PTPRM: variants seen among roughly 807,000 people sequenced by gnomAD.
The protein encoded by PTPRM is protein tyrosine phosphatase receptor type M, also known as receptor-type tyrosine-protein phosphatase mu.
PTPRM carries 47 observed loss-of-function variants against 186.7 expected under a neutral mutation model. That is an observed-to-expected ratio of 0.25 (90% CI 0.20 to 0.32). The LOEUF (loss-of-function observed/expected upper bound fraction) is 0.32. Among genes scored for constraint, PTPRM ranks in the 10% least tolerant of loss-of-function variants. The pLI, the probability that PTPRM is intolerant of heterozygous loss-of-function variation, is 1.00. For missense variants in PTPRM, 1,494 were observed against 1,865.0 expected (o/e 0.80, Z 3.66); for synonymous variants, 668 against 674.9 (o/e 0.99, Z 0.16).
At chr18:8,091,044 T>G (rs1308152377) in intron 11 of PTPRM, among the ~76,000 whole-genome samples, 1 of 152,194 alleles carries the variant, frequency 6.6e-6, no homozygotes, top group Non-Finnish European at 1.5e-5. Context: ...ATTTTGTTGT[T>G]GCTTACTTTT....
At chr18:7,689,370 C>G (rs9966932) in intron 1 of PTPRM, among the ~76,000 whole-genome samples, 77,299 of 152,078 alleles carry the variant, frequency 0.51, 21,494 homozygotes, top group East Asian at 0.87. Flanking sequence ...CAGGTGCACG[C>G]ACCCTTGGAG....
intron 1 of PTPRM, among the ~76,000 whole-genome samples, chr18:7,766,843 C>T (rs1448340428): frequency 6.6e-6 from 1 of 152,158 alleles, no homozygotes; most frequent in Non-Finnish European, 1.5e-5. Context: ...AGGTGTAATA[C>T]CTTGATAACT....
chr18:8,402,555 C>T (rs1338074186), intron 32 of PTPRM, among the ~76,000 whole-genome samples: 1 of 152,118 alleles, frequency 6.6e-6, no homozygotes, highest in Non-Finnish European at 1.5e-5. Flanking sequence ...ATTAATTGCA[C>T]AATTAGGCTT....
Position 8,236,501 on chromosome 18 carries a change from TTG to T in PTPRM, c.2301-7551_2301-7550del, listed in dbSNP as rs539447980. On this transcript the variant is annotated intron_variant, in intron 14 of 32. Coordinates refer to ENST00000580170, the MANE Select transcript of PTPRM (RefSeq NM_001105244.2). Reference sequence around the variant, plus strand: ...TTCTTGTAGATCATATGTAGTTGAGTTGTGTGTTTTAATCTGATAATCTGCCT... The same window carrying T: ...TTCTTGTAGATCATATGTAGTTGAGTTGTGTTTTAATCTGATAATCTGCCT... Among the ~76,000 whole-genome samples, 15 of 152,242 alleles carry T rather than the reference TTG, an allele frequency of 9.9e-5. No individual in the cohort carries two copies. The East Asian group carries it at 1.9e-3, about 20-fold the overall frequency.
intron 14 of PTPRM, among the ~76,000 whole-genome samples, chr18:8,199,277 C>A (rs898512132): frequency 2.0e-5 from 3 of 152,146 alleles, no homozygotes; most frequent in African/African-American, 7.2e-5. Flanking sequence ...GTTTAAGTAA[C>A]TGGCCCAAGG....
chr18:7,596,677 G>A (rs2037269741), intron 1 of PTPRM, among the ~76,000 whole-genome samples: 1 of 152,022 alleles, frequency 6.6e-6, no homozygotes, highest in Non-Finnish European at 1.5e-5. Flanking sequence ...AATAGGTCTT[G>A]GAACCTATTT....
At chr18:8,158,027 G>C (rs1230535559) in intron 14 of PTPRM, among the ~76,000 whole-genome samples, 1 of 152,186 alleles carries the variant, frequency 6.6e-6, no homozygotes, top group Non-Finnish European at 1.5e-5. Flanking sequence ...CACCAGCCCT[G>C]AACTTGCACC....
At chr18:7,907,319 G>C (rs2050038631) in intron 4 of PTPRM, among the ~76,000 whole-genome samples, 1 of 152,214 alleles carries the variant, frequency 6.6e-6, no homozygotes. Flanking sequence ...GACTGTAGCT[G>C]CTTGAAGCAG....
intron 20 of PTPRM, among the ~76,000 whole-genome samples, chr18:8,311,462 A>G (rs1436543528): frequency 2.0e-5 from 3 of 152,206 alleles, no homozygotes; most frequent in Non-Finnish European, 2.9e-5. Context: ...CACACATGGG[A>G]CTGCAGCCTG....
intron 2 of PTPRM, among the ~76,000 whole-genome samples, chr18:7,799,233 G>A (rs2043828301): frequency 6.6e-6 from 1 of 152,188 alleles, no homozygotes; most frequent in African/African-American, 2.4e-5. Context: ...GAAGGAGGAA[G>A]GGCAAAAGGG....
intron 22 of PTPRM, among the ~76,000 whole-genome samples, chr18:8,329,441 T>C (rs868018219): frequency 1.3e-5 from 2 of 152,206 alleles, no homozygotes; most frequent in Admixed American, 1.3e-4. Flanking sequence ...TGTTCCCCCA[T>C]AGGGCCTTTT....
At chr18:8,086,000 G>A in intron 10 of PTPRM, 128 bp downstream of exon 10, 1 of 862,862 alleles carries the variant, frequency 1.2e-6, no homozygotes, top group Non-Finnish European at 1.9e-6. Context: ...CTGGATGCCT[G>A]AAGCTCAGAC....
chr18:7,761,735 C>T (rs755286108), intron 1 of PTPRM, among the ~76,000 whole-genome samples: 50 of 152,242 alleles, frequency 3.3e-4, no homozygotes, highest in South Asian at 2.1e-4. Context: ...TCATCCTGTC[C>T]GTTCTCTTAT....
intron 7 of PTPRM, among the ~76,000 whole-genome samples, chr18:8,002,357 A>G (rs888095587): frequency 2.0e-5 from 3 of 152,214 alleles, no homozygotes; most frequent in East Asian, 3.8e-4. Context: ...CTTACCAGGT[A>G]TGATTTGACC....
intron 1 of PTPRM, among the ~76,000 whole-genome samples, chr18:7,737,114 A>AATTTT (rs1257898226): frequency 1.4e-5 from 2 of 139,124 alleles, no homozygotes; most frequent in Non-Finnish European, 1.5e-5. Flanking sequence ...CCAACTCTGG[A>AATTTT]ATTTTATTTT....
chr18:7,926,506 G>A (rs1175992189), intron 4 of PTPRM, 62 bp from the exon 5 acceptor site: 12 of 1,298,780 alleles, frequency 9.2e-6, no homozygotes, highest in African/African-American at 1.5e-5. Flanking sequence ...ATAGATTGAA[G>A]AAGACATATA....
intron 14 of PTPRM, among the ~76,000 whole-genome samples, chr18:8,165,377 C>A (rs1415931811): frequency 1.3e-5 from 2 of 152,060 alleles, no homozygotes; most frequent in African/African-American, 4.8e-5. Context: ...AAGTTACTGT[C>A]CAGCCGATAG....
chr18:8,085,858 C>A lies in PTPRM; in HGVS notation c.1739C>A (p.Thr580Asn), dbSNP rs762894793. The change falls in exon 10 of 33, where the codon ACC becomes AAC. Residue 580 changes from threonine (T) to asparagine (N), a missense_variant. Physicochemically the swap from Thr to Asn is moderately conservative, Grantham distance 65. Transcript: ENST00000580170. ...GGGCCTCCAGCAACAAACCAGTTCA[C>A]CACCAAAATATCAGGTACTCTACAT... Reference protein sequence around the residue: ...GFGPPATNQFTTKISAPSMPA... With the variant: ...GFGPPATNQFNTKISAPSMPA... The A allele has an allele frequency of 6.2e-7, 1 of 1,612,772 alleles. No homozygotes were observed.
intron 2 of PTPRM, among the ~76,000 whole-genome samples, chr18:7,883,663 A>G (rs891149280): frequency 6.6e-6 from 1 of 152,230 alleles, no homozygotes; most frequent in African/African-American, 2.4e-5. Flanking sequence ...ATGGCCACAC[A>G]CTGAAATAAA....
Sources: allele counts gnomAD v4.1 joint callset (sites outside exome capture counted in the v4.1 genomes callset), GRCh38; gene constraint gnomAD v4.1.1; transcripts MANE v1.5; gene names NCBI Gene and HGNC (gene_info 2026-07-23, HGNC 2026-07-21).